The following SLC44A2 variants were observed in gnomAD, a reference collection of about 807,000 sequenced individuals.
SLC44A2 encodes the protein solute carrier family 44 member 2 (CTL2 blood group).
A neutral mutation model predicts 90.8 loss-of-function variants in SLC44A2; 57 were observed. The ratio of observed to expected loss-of-function variants is 0.63; its 90% confidence interval spans 0.51 to 0.78. SLC44A2 has a LOEUF of 0.78. SLC44A2 is among the 30% of genes least tolerant of loss of function. The pLI is 0.00. For synonymous variants in SLC44A2, 355 were observed against 360.7 expected, an observed-to-expected ratio of 0.98 and a Z score of 0.18; for missense variants, 794 against 919.7, an observed-to-expected ratio of 0.86 and a Z score of 1.77.
intron 1 of SLC44A2, chr19:10,602,581 A>C: frequency 7.9e-7 from 1 of 1,266,432 alleles, no homozygotes; most frequent in Admixed American, 4.2e-5. Context: ...GCCTCCGGTC[A>C]GGGGCCGCCT....
At chr19:10,622,432 G>A (rs1022236988), upstream of SLC44A2, among the ~76,000 whole-genome samples, 7 of 152,140 alleles carry the variant, frequency 4.6e-5, no homozygotes, top group African/African-American at 1.7e-4. Flanking sequence ...GAAAGTGTCT[G>A]TGTTGGTCCA....
intron 1 of SLC44A2, among the ~76,000 whole-genome samples, chr19:10,617,063 A>G (rs1430290282): frequency 6.6e-6 from 1 of 152,090 alleles, no homozygotes; most frequent in Non-Finnish European, 1.5e-5. Flanking sequence ...CTGAGACTAC[A>G]GGCTCTCGCC....
At position 10,632,128 on chromosome 19, in the gene SLC44A2, C is replaced by T; in HGVS notation, c.795C>T (p.Ile265=). ...CTGGTATTATGGTCTGGGTGATGAT[C>T]ATCATGGTGATTCTGGTGCTGGGCT... is the stretch of plus-strand genomic sequence containing the variant. ...FLAGIMVWVM[I]IMVILVLGYG... The change falls in exon 10 of 22, where the codon ATC becomes ATT. Residue 265 remains isoleucine (I), a synonymous_variant. Coordinates refer to ENST00000335757, the MANE Select transcript of SLC44A2 (RefSeq NM_020428.4). 1 of 1,614,080 alleles carries T rather than the reference C, an allele frequency of 6.2e-7. No individual in the cohort carries two copies. Among genetic ancestry groups the T allele is most frequent in the Non-Finnish European group, 8.5e-7 (1 of 1,180,002 alleles).
intron 4 of SLC44A2, among the ~76,000 whole-genome samples, chr19:10,628,324 T>G (rs920714335): frequency 1.3e-5 from 2 of 152,128 alleles, no homozygotes; most frequent in Non-Finnish European, 2.9e-5. Context: ...AGGCAGAAGT[T>G]GCAATGAGCC....
chr19:10,622,786 C>T (rs1039142998), upstream of SLC44A2, among the ~76,000 whole-genome samples: 1 of 152,114 alleles, frequency 6.6e-6, no homozygotes, highest in South Asian at 2.1e-4. Context: ...CCTGTGATCC[C>T]AGCTACTCAG....
chr19:10,613,670 G>C lies in SLC44A2; in HGVS notation c.31+11109G>C, dbSNP rs541662405. On this transcript the variant is annotated intron_variant, in intron 1 of 21. Coordinates refer to the SLC44A2 transcript ENST00000407327. ...GAGACCAGCCTGGGCAACATAGTGAGACCCCGTCTCTTTAAGAAAAATGGA... is the reference window on the plus strand; with the variant it reads ...GAGACCAGCCTGGGCAACATAGTGACACCCCGTCTCTTTAAGAAAAATGGA... Among the ~76,000 whole-genome samples, 327 of 152,230 alleles carry C rather than the reference G, an allele frequency of 2.1e-3. 2 individuals carry two copies. Among genetic ancestry groups the C allele is most frequent in the African/African-American group, 7.4e-3 (308 of 41,556 alleles).
In SLC44A2 at chr19:10,642,391, A is replaced by C; in HGVS notation, c.1954A>C (p.Ile652Leu). 2.5e-6 allele frequency: 4 copies of C among 1,614,004 alleles called. No individual in the cohort carries two copies. The highest frequency in any genetic ancestry group is 3.4e-6 in the Non-Finnish European group (4 of 1,180,006). The change falls in exon 21 of 22, where the codon ATT becomes CTT. Residue 652 changes from isoleucine to leucine, a missense_variant. This residue lies in a region of SLC44A2 where 12 missense variants were observed against 34.7 expected (regional missense o/e 0.35). Transcript: ENST00000335757. ...GACGGTGATCGTTGGCTCCTACTTGATTGCACACGGTTTCTTCAGCGTCTA... is the reference window on the plus strand; with the variant it reads ...GACGGTGATCGTTGGCTCCTACTTGCTTGCACACGGTTTCTTCAGCGTCTA... ...ILTVIVGSYL[I>L]AHGFFSVYGM...
chr19:10,643,034 G>T, intron 21 of SLC44A2: 1 of 1,514,098 alleles, frequency 6.6e-7, no homozygotes, highest in East Asian at 2.3e-5. Context: ...GAGGGAGACT[G>T]GCGTGGGGGC....
At position 10,637,925 on chromosome 19, in the gene SLC44A2, A is replaced by C. The variant is rs111694382; in HGVS notation, c.1765A>C (p.Ile589Leu). The C allele has an allele frequency of 4.0e-5, 65 of 1,614,028 alleles. No individual in the cohort carries two copies. In the African/African-American group the frequency reaches 7.1e-4, roughly 18 times the overall value. ...NAFFLLMRNI[I>L]RVAVLDKVTD... is the part of the protein sequence containing the mutation. ...CTTCTTCCTGCTCATGAGAAACATCATCAGGTCGGGAATCATTATCATCTT... is the reference window on the plus strand; with the variant it reads ...CTTCTTCCTGCTCATGAGAAACATCCTCAGGTCGGGAATCATTATCATCTT... The change falls in exon 18 of 22, where the codon ATC becomes CTC. Residue 589 changes from isoleucine (I) to leucine (L), a missense_variant. Coordinates refer to ENST00000335757, the MANE Select transcript of SLC44A2 (RefSeq NM_020428.4).
chr19:10,608,387 A>G (rs1918178687), intron 1 of SLC44A2, among the ~76,000 whole-genome samples: 1 of 152,024 alleles, frequency 6.6e-6, no homozygotes, highest in Non-Finnish European at 1.5e-5. Flanking sequence ...ACGGTAGCAT[A>G]GAATAGTACA....
intron 20 of SLC44A2, chr19:10,641,245 T>G (rs1369975177): frequency 1.1e-5 from 4 of 353,966 alleles, no homozygotes; most frequent in Admixed American, 3.8e-5. Flanking sequence ...AATACAAAAA[T>G]TAGCTGGGTA....
chr19:10,641,440 T>A (rs146254773), intron 20 of SLC44A2: 1 of 435,736 alleles, frequency 2.3e-6, no homozygotes, highest in African/African-American at 2.1e-5. Context: ...TCGTAGGTGG[T>A]TTCCTGGAGG....
chr19:10,614,661 ATAAAG>A (rs936011149), intron 1 of SLC44A2, among the ~76,000 whole-genome samples: 1 of 152,204 alleles, frequency 6.6e-6, no homozygotes, highest in Admixed American at 6.6e-5. Context: ...TATTCTTACA[ATAAAG>A]TAAGCTGAAG....
chr19:10,616,347 C>G (rs2066854876), intron 1 of SLC44A2, among the ~76,000 whole-genome samples: 1 of 152,056 alleles, frequency 6.6e-6, no homozygotes, highest in Admixed American at 6.6e-5. Context: ...TCTCTCACCT[C>G]AGGCTCGCAA....
intron 4 of SLC44A2, 77 bp from the exon 5 acceptor site, chr19:10,630,979 TG>T: frequency 8.6e-7 from 1 of 1,158,966 alleles, no homozygotes; most frequent in Non-Finnish European, 1.3e-6. Flanking sequence ...CACTCCATCC[TG>T]GGCAACAAGA....
chr19:10,626,412 CT>C (rs886227375), intron 2 of SLC44A2, 111 bp downstream of exon 2: 94,363 of 635,082 alleles, frequency 0.15, 1 homozygote, highest in South Asian at 0.21. Flanking sequence ...ATATTTGAAA[CT>C]TTTTTTTTTT....
rs2067033765 is a variant in SLC44A2 at position 10,634,646 on chromosome 19, C to T, written c.824-110C>T. 5.9e-6 allele frequency: 9 copies of T among 1,523,178 alleles called. No individual in the cohort carries two copies. In the South Asian group the frequency reaches 9.5e-5, roughly 16 times the overall value. The allele number at this position is 1,523,178 out of a possible 1,614,324, so 94.4% of individuals were successfully genotyped here. ...GCGGTGGGAACTGCAAGTGTAAAGTCCCTGAGGCAGAAGCCTCGATGTTTG... is the reference window on the plus strand; with the variant it reads ...GCGGTGGGAACTGCAAGTGTAAAGTTCCTGAGGCAGAAGCCTCGATGTTTG... On this transcript the variant is annotated intron_variant, in intron 10 of 21. Transcript: ENST00000335757.
chr19:10,642,845 T>A, intron 21 of SLC44A2: 1 of 1,522,468 alleles, frequency 6.6e-7, no homozygotes, highest in Non-Finnish European at 8.7e-7. Context: ...CCTCTTTCCC[T>A]CCCTTCCCGA....
chr19:10,608,023 A>C (rs1918164493), intron 1 of SLC44A2, among the ~76,000 whole-genome samples: 1 of 151,872 alleles, frequency 6.6e-6, no homozygotes, highest in South Asian at 2.1e-4. Context: ...CTGGGATTAC[A>C]GGTGTGAGCC....
Sources: gnomAD v4.1 joint callset for allele counts (sites outside exome capture counted in the v4.1 genomes callset) on GRCh38, gnomAD v4.1.1 for gene constraint, gnomAD v4.1.1 regional missense constraint, MANE v1.5 for transcripts, NCBI Gene and HGNC (gene_info 2026-07-23, HGNC 2026-07-21) for gene names.